The following ARPC3 variants were observed in gnomAD, a reference collection of about 807,000 sequenced individuals.
ARPC3 encodes the protein actin related protein 2/3 complex subunit 3.
In ARPC3, 12 loss-of-function variants were observed where a neutral mutation model predicts 27.6. That is an observed-to-expected ratio of 0.43 (90% CI 0.28 to 0.70). The LOEUF is 0.70. ARPC3 is among the 30% of genes least tolerant of loss of function. The pLI is 0.17. For missense variants in ARPC3, 153 were observed against 207.7 expected (o/e 0.74, Z 1.62); for synonymous variants, 53 against 67.2 (o/e 0.79, Z 1.03).
intron 3 of ARPC3, among the ~76,000 whole-genome samples, chr12:110,439,142 C>T (rs1160123042): frequency 6.6e-6 from 1 of 151,820 alleles, no homozygotes; most frequent in African/African-American, 2.4e-5. Context: ...TGCACTACTA[C>T]ACCTGGCTAA....
chr12:110,445,773 T>C (rs1484614214), intron 1 of ARPC3, among the ~76,000 whole-genome samples: 4 of 152,220 alleles, frequency 2.6e-5, no homozygotes, highest in Non-Finnish European at 5.9e-5. Flanking sequence ...TAAACACAGC[T>C]CTTCTCAAAA....
intron 1 of ARPC3, among the ~76,000 whole-genome samples, chr12:110,446,159 CTT>C (rs1301415471): frequency 1.4e-5 from 2 of 140,708 alleles, no homozygotes. Context: ...TTCATCACTT[CTT>C]TTTTTTTTTT....
chr12:110,450,286 A>G lies in ARPC3; in HGVS notation c.-26T>C, dbSNP rs758346095. ...CTTGGCGGCGCCCGGGTTTCAACCC[A>G]GAGGAGCAGGATCCAGGTACAGCGG... is the stretch of plus-strand genomic sequence containing the variant. On this transcript the variant is annotated 5_prime_UTR_variant, in exon 1 of 7. Transcript: ENST00000228825. 6 of 1,613,850 alleles carry G rather than the reference A, an allele frequency of 3.7e-6. No individual in the cohort carries two copies. The highest frequency in any genetic ancestry group is 1.7e-5 in the Admixed American group (1 of 59,984).
chr12:110,436,711 T>TATAC (rs767025332), intron 4 of ARPC3, 28 bp from the exon 5 acceptor site: 27 of 382,258 alleles, frequency 7.1e-5, no homozygotes, highest in African/African-American at 5.8e-4. Context: ...TATATATATA[T>TATAC]ACACACACAC....
chr12:110,450,249 C>A lies in ARPC3; in HGVS notation c.6+6G>T, dbSNP rs531465574. On this transcript the variant is annotated splice_donor_region_variant and intron_variant, in intron 1 of 6. Coordinates refer to ENST00000228825, the MANE Select transcript of ARPC3 (RefSeq NM_001278556.2). ...TGTCTCCCCACACCGTGGATCGAAC[C>A]CTCACCGGCATCTTGGCGGCGCCCG... is the stretch of plus-strand genomic sequence containing the variant. 1 of 1,614,146 alleles carries A rather than the reference C, an allele frequency of 6.2e-7. No homozygotes were observed. Among genetic ancestry groups the A allele is most frequent in the South Asian group, 1.1e-5 (1 of 91,084 alleles).
rs777146647 is a variant in ARPC3 at position 110,436,709 on chromosome 12, T to TACACACAC, written c.253-27_253-26insGTGTGTGT. 5.0e-4 allele frequency: 274 copies of TACACACAC among 546,226 alleles called. No homozygotes were observed. In the African/African-American group the frequency reaches 6.4e-3, roughly 13 times the overall value. 33.8% of individuals were successfully genotyped at this position (546,226 alleles called of 1,614,324 possible). ...CTGGAAAAAAAAATATATATATATA[T>TACACACAC]ATACACACACACACACACACACACA... On this transcript the variant is annotated intron_variant, in intron 4 of 6. Coordinates refer to ENST00000228825, the MANE Select transcript of ARPC3 (RefSeq NM_001278556.2).
At chr12:110,439,981 A>T (rs2062427156) in intron 3 of ARPC3, among the ~76,000 whole-genome samples, 1 of 152,210 alleles carries the variant, frequency 6.6e-6, no homozygotes, top group South Asian at 2.1e-4. Context: ...CTTTGTCACA[A>T]CTACTCAATT....
At chr12:110,447,372 T>C (rs2062470574) in intron 1 of ARPC3, among the ~76,000 whole-genome samples, 1 of 152,232 alleles carries the variant, frequency 6.6e-6, no homozygotes, top group South Asian at 2.1e-4. Flanking sequence ...TATTCATTCA[T>C]TCATCAAATG....
chr12:110,446,115 A>T (rs1311141743), intron 1 of ARPC3, among the ~76,000 whole-genome samples: 4 of 151,458 alleles, frequency 2.6e-5, no homozygotes, highest in African/African-American at 9.7e-5. Flanking sequence ...AAAAAAAAAA[A>T]GTAAATAATG....
chr12:110,442,662 A>G (rs964639605), intron 2 of ARPC3: 1 of 151,918 alleles, frequency 6.6e-6, no homozygotes, highest in Non-Finnish European at 1.5e-5. Context: ...AGTATTCAAT[A>G]TAATTTTATT....
chr12:110,438,574 G>A (rs577037694), intron 3 of ARPC3, among the ~76,000 whole-genome samples: 12 of 151,074 alleles, frequency 7.9e-5, no homozygotes, highest in African/African-American at 2.9e-4. Flanking sequence ...ACTCCAGCCT[G>A]GTGACAGAGC....
At chr12:110,435,262 C>G (rs772615020) in intron 6 of ARPC3, 45 bp from the exon 7 acceptor site, 1 of 1,386,470 alleles carries the variant, frequency 7.2e-7, no homozygotes, top group South Asian at 1.2e-5. Flanking sequence ...GGTCAAATTA[C>G]AATAGAATTT....
intron 1 of ARPC3, among the ~76,000 whole-genome samples, chr12:110,449,690 C>T (rs1375657360): frequency 1.3e-5 from 2 of 152,272 alleles, no homozygotes; most frequent in South Asian, 2.1e-4. Context: ...TTAAGTACAA[C>T]CAGGCCGTCA....
At chr12:110,448,295 G>A (rs1304437848) in intron 1 of ARPC3, among the ~76,000 whole-genome samples, 1 of 152,118 alleles carries the variant, frequency 6.6e-6, no homozygotes, top group Admixed American at 6.6e-5. Flanking sequence ...CTACTTCATA[G>A]GGTCGTTATG....
At chr12:110,438,327 C>T (rs898414622) in intron 3 of ARPC3, among the ~76,000 whole-genome samples, 3 of 148,010 alleles carry the variant, frequency 2.0e-5, no homozygotes, top group African/African-American at 5.0e-5. Flanking sequence ...AGGCCGGGTG[C>T]GGTGGCCCAC....
intron 1 of ARPC3, 35 bp downstream of exon 1, chr12:110,450,220 C>CGA: frequency 5.0e-6 from 8 of 1,613,788 alleles, no homozygotes; most frequent in Non-Finnish European, 5.9e-6. Flanking sequence ...TTCGCAATCC[C>CGA]CGCTGTCTCC....
chr12:110,436,707 T>TACACACACACACAC (rs1456376142), intron 4 of ARPC3, 24 bp from the exon 5 acceptor site: 2 of 821,560 alleles, frequency 2.4e-6, no homozygotes, highest in African/African-American at 2.3e-5. Flanking sequence ...TATATATATA[T>TACACACACACACAC]ATATACACAC....
At chr12:110,446,628 A>G (rs2062466121) in intron 1 of ARPC3, among the ~76,000 whole-genome samples, 1 of 134,752 alleles carries the variant, frequency 7.4e-6, no homozygotes, top group African/African-American at 2.9e-5. Flanking sequence ...TTTTTTTTTG[A>G]GACGGAGTCT....
chr12:110,444,758 T>C (rs574617815), intron 2 of ARPC3: 1 of 152,456 alleles, frequency 6.6e-6, no homozygotes, highest in Non-Finnish European at 1.5e-5. Flanking sequence ...TCAAACAGTC[T>C]GGCAGAGAAA....
Sources: gnomAD v4.1 joint callset for allele counts (sites outside exome capture counted in the v4.1 genomes callset) on GRCh38, gnomAD v4.1.1 for gene constraint, MANE v1.5 for transcripts, NCBI Gene and HGNC (gene_info 2026-07-23, HGNC 2026-07-21) for gene names.